Variants in LYPLAL1 observed in about 807,000 individuals in gnomAD.
LYPLAL1 encodes lysophospholipase like 1.
A neutral mutation model predicts 19.7 loss-of-function variants in LYPLAL1; 23 were observed. The ratio of observed to expected loss-of-function variants is 1.17; its 90% CI spans 0.84 to 1.65. The LOEUF (loss-of-function observed/expected upper bound fraction) is 1.65. Ranked by LOEUF, LYPLAL1 falls within the 40% of genes most tolerant of loss-of-function variation. The pLI is 0.00. For synonymous variants in LYPLAL1, 119 were observed against 96.3 expected (o/e 1.24, Z -1.38); for missense variants, 355 against 279.4 (o/e 1.27, Z -1.93).
chr1:219,353,419 T>C, the LYPLAL1 span, among the ~76,000 whole-genome samples: 1 of 152,160 alleles, frequency 6.6e-6, no homozygotes, highest in Non-Finnish European at 1.5e-5. Context: ...TGGAGACAGA[T>C]AAACTGTTGG....
At chr1:219,175,538 T>G (rs1395016575) in intron 1 of LYPLAL1, among the ~76,000 whole-genome samples, 2 of 152,236 alleles carry the variant, frequency 1.3e-5, no homozygotes, top group South Asian at 4.1e-4. Flanking sequence ...AATTATCCTT[T>G]TTTTGAATTT....
the LYPLAL1 span, among the ~76,000 whole-genome samples, chr1:219,219,906 T>C: frequency 1.3e-4 from 20 of 151,854 alleles, no homozygotes; most frequent in Non-Finnish European, 2.2e-4. Flanking sequence ...AACTTTAATT[T>C]AAATTTAAGG....
chr1:219,403,246 C>T, the LYPLAL1 span, among the ~76,000 whole-genome samples: 1 of 152,164 alleles, frequency 6.6e-6, no homozygotes, highest in African/African-American at 2.4e-5. Flanking sequence ...TAGTCCTTGC[C>T]TTCTAAGAGT....
the LYPLAL1 span, among the ~76,000 whole-genome samples, chr1:219,391,701 A>T: frequency 1.7e-4 from 26 of 152,246 alleles, no homozygotes; most frequent in South Asian, 3.1e-3. Flanking sequence ...TATTCAAGCT[A>T]TATATTTTTA....
chr1:219,395,231 A>G, the LYPLAL1 span, among the ~76,000 whole-genome samples: 3 of 152,192 alleles, frequency 2.0e-5, no homozygotes, highest in Non-Finnish European at 4.4e-5. Context: ...ACTATTTTAC[A>G]CTCTCACTAA....
the LYPLAL1 span, among the ~76,000 whole-genome samples, chr1:219,320,207 C>A: frequency 6.6e-6 from 1 of 152,246 alleles, no homozygotes; most frequent in African/African-American, 2.4e-5. Flanking sequence ...TAATTTTGCT[C>A]TTTACCTGCT....
the LYPLAL1 span, among the ~76,000 whole-genome samples, chr1:219,260,951 A>G: frequency 6.6e-6 from 1 of 151,948 alleles, no homozygotes; most frequent in Non-Finnish European, 1.5e-5. Context: ...AGCCGTTTAT[A>G]CTTGGAAATT....
the LYPLAL1 span, among the ~76,000 whole-genome samples, chr1:219,390,297 G>A: frequency 6.6e-6 from 1 of 152,166 alleles, no homozygotes; most frequent in Non-Finnish European, 1.5e-5. Flanking sequence ...AGCACCAGGA[G>A]GGGCTCTCTC....
chr1:219,270,427 G>A, the LYPLAL1 span, among the ~76,000 whole-genome samples: 9 of 152,198 alleles, frequency 5.9e-5, no homozygotes, highest in African/African-American at 2.2e-4. Flanking sequence ...ATGAAAAATT[G>A]GTTGGGCCAG....
the LYPLAL1 span, among the ~76,000 whole-genome samples, chr1:219,308,632 A>G: frequency 6.6e-6 from 1 of 152,194 alleles, no homozygotes; most frequent in Non-Finnish European, 1.5e-5. Flanking sequence ...TTGAGGCTTC[A>G]GAGGGTGCAA....
At chr1:219,325,577 T>C in the LYPLAL1 span, among the ~76,000 whole-genome samples, 2 of 152,208 alleles carry the variant, frequency 1.3e-5, no homozygotes, top group East Asian at 1.9e-4. Flanking sequence ...TCAAAACATA[T>C]GAAAAGAATA....
At chr1:219,268,385 A>C in the LYPLAL1 span, among the ~76,000 whole-genome samples, 3 of 152,222 alleles carry the variant, frequency 2.0e-5, no homozygotes, top group African/African-American at 7.2e-5. Context: ...TGGAGTAGCT[A>C]GCACAAAGGT....
the LYPLAL1 span, among the ~76,000 whole-genome samples, chr1:219,364,835 T>G: frequency 6.6e-6 from 1 of 152,136 alleles, no homozygotes; most frequent in Non-Finnish European, 1.5e-5. Context: ...TTTTATACAC[T>G]CCATCAAAAG....
At chr1:219,246,480 CCTT>C in the LYPLAL1 span, among the ~76,000 whole-genome samples, 2 of 152,110 alleles carry the variant, frequency 1.3e-5, no homozygotes, top group South Asian at 2.1e-4. Flanking sequence ...TTTACTGATT[CCTT>C]CTTATGCATC....
chr1:219,325,634 C>A, the LYPLAL1 span, among the ~76,000 whole-genome samples: 1 of 152,132 alleles, frequency 6.6e-6, no homozygotes, highest in Non-Finnish European at 1.5e-5. Context: ...CAATTAAGCA[C>A]CCACATACAT....
At chr1:219,391,753 T>C in the LYPLAL1 span, among the ~76,000 whole-genome samples, 1 of 152,174 alleles carries the variant, frequency 6.6e-6, no homozygotes, top group Non-Finnish European at 1.5e-5. Flanking sequence ...TTTCTACTCT[T>C]GGGAACTCCT....
chr1:219,318,206 C>G, the LYPLAL1 span, among the ~76,000 whole-genome samples: 1 of 152,048 alleles, frequency 6.6e-6, no homozygotes, highest in African/African-American at 2.4e-5. Context: ...TTGTGTGGAT[C>G]AATTATTATC....
the LYPLAL1 span, among the ~76,000 whole-genome samples, chr1:219,414,816 T>A: frequency 6.6e-6 from 1 of 152,196 alleles, no homozygotes; most frequent in Non-Finnish European, 1.5e-5. Context: ...ATTTAATGAA[T>A]GCTGAGTATT....
At chr1:219,371,028 G>T in the LYPLAL1 span, among the ~76,000 whole-genome samples, 1 of 152,050 alleles carries the variant, frequency 6.6e-6, no homozygotes, top group South Asian at 2.1e-4. Flanking sequence ...ATTGATTCTT[G>T]GTCCTATCTG....
Sources: allele counts gnomAD v4.1 joint callset (sites outside exome capture counted in the v4.1 genomes callset), GRCh38; gene constraint gnomAD v4.1.1; transcripts MANE v1.5; gene names NCBI Gene and HGNC (gene_info 2026-07-23, HGNC 2026-07-21).